TNNI3K: variants seen among roughly 807,000 people sequenced by gnomAD.
TNNI3K encodes serine/threonine-protein kinase TNNI3K.
TNNI3K carries 140 observed loss-of-function variants against 114.5 expected under a neutral mutation model. The observed-to-expected ratio is 1.22, with a 90% CI of 1.07 to 1.41. The LOEUF (loss-of-function observed/expected upper bound fraction) is 1.41. Among genes scored for constraint, TNNI3K ranks in the 40% most tolerant of loss-of-function variants. TNNI3K has a pLI of 0.00. For synonymous variants in TNNI3K, 347 were observed against 347.5 expected (o/e 1.00, Z 0.02); for missense variants, 1,125 against 1,007.6 (o/e 1.12, Z -1.58).
At chr1:74,464,496 C>T in intron 21 of TNNI3K, 3 of 1,390,972 alleles carry the variant, frequency 2.2e-6, no homozygotes, top group South Asian at 1.7e-5. Context: ...TCTGATCCTT[C>T]CTAGGCACTT....
At chr1:74,370,095 A>G (rs189576681) in intron 16 of TNNI3K, among the ~76,000 whole-genome samples, 193 bp from the exon 17 acceptor site, 1 of 152,044 alleles carries the variant, frequency 6.6e-6, no homozygotes, top group East Asian at 1.9e-4. Context: ...GAGATGCTGT[A>G]TATCTTAATT....
intron 4 of TNNI3K, among the ~76,000 whole-genome samples, chr1:74,253,153 CTGA>C (rs985007287): frequency 2.6e-5 from 4 of 152,144 alleles, no homozygotes; most frequent in African/African-American, 9.7e-5. Flanking sequence ...ACACAGGGTG[CTGA>C]TGGTGTGTTT....
At chr1:74,371,147 A>T (rs1336930530) in intron 17 of TNNI3K, 3 of 151,896 alleles carry the variant, frequency 2.0e-5, no homozygotes, top group Non-Finnish European at 2.9e-5. Context: ...CACATCAATC[A>T]CTTTCATTTT....
intron 9 of TNNI3K, among the ~76,000 whole-genome samples, chr1:74,345,125 G>A (rs977994695): frequency 1.3e-5 from 2 of 152,028 alleles, no homozygotes; most frequent in Non-Finnish European, 2.9e-5. Flanking sequence ...CTCATTATCT[G>A]TAAGTAGTTT....
chr1:74,269,246 T>G (rs1393599669), intron 4 of TNNI3K, among the ~76,000 whole-genome samples: 1 of 151,912 alleles, frequency 6.6e-6, no homozygotes, highest in Non-Finnish European at 1.5e-5. Flanking sequence ...TATAGCAATT[T>G]CTTATTTGTT....
intron 21 of TNNI3K, among the ~76,000 whole-genome samples, chr1:74,482,805 T>TA (rs948413559): frequency 6.6e-6 from 1 of 152,104 alleles, no homozygotes; most frequent in African/African-American, 2.4e-5. Context: ...TTACCACCAA[T>TA]AAAAAAAGAC....
chr1:74,365,581 T>C (rs867609939), intron 11 of TNNI3K, among the ~76,000 whole-genome samples: 2 of 152,114 alleles, frequency 1.3e-5, no homozygotes, highest in African/African-American at 4.8e-5. Context: ...ACCACTCTCA[T>C]CCTTGCTTGT....
At chr1:74,318,595 A>G (rs776320777) in intron 5 of TNNI3K, among the ~76,000 whole-genome samples, 2 of 152,138 alleles carry the variant, frequency 1.3e-5, no homozygotes, top group Non-Finnish European at 2.9e-5. Flanking sequence ...GAAAACTTCT[A>G]TTTCACGTTT....
At position 74,497,513 on chromosome 1, in the gene TNNI3K, GTCT is replaced by G. The variant is rs1330253627; in HGVS notation, c.2351+5252_2351+5254del. Among the ~76,000 whole-genome samples, 11 of 151,564 alleles carry G rather than the reference GTCT, an allele frequency of 7.3e-5. No homozygotes were observed. The South Asian group carries it at 1.7e-3, about 23-fold the overall frequency. ...CAAACATTGCTTCCTCTTTCCATGG[GTCT>G]TCTTGTTGTTTCTACAATCCCATGG... On this transcript the variant is annotated intron_variant, in intron 23 of 24. Coordinates refer to ENST00000326637, the MANE Select transcript of TNNI3K (RefSeq NM_015978.3).
chr1:74,486,934 G>A (rs1570687590), intron 21 of TNNI3K, among the ~76,000 whole-genome samples: 1 of 152,092 alleles, frequency 6.6e-6, no homozygotes, highest in South Asian at 2.1e-4. Context: ...ATTGAATTTA[G>A]CAATGAGATC....
At chr1:74,502,724 T>C (rs978744097) in intron 23 of TNNI3K, among the ~76,000 whole-genome samples, 2 of 152,194 alleles carry the variant, frequency 1.3e-5, no homozygotes, top group Non-Finnish European at 2.9e-5. Context: ...ACTCTGATAG[T>C]AGCCACTTTG....
chr1:74,507,677 T>C (rs78374516), intron 23 of TNNI3K, among the ~76,000 whole-genome samples: 1 of 152,290 alleles, frequency 6.6e-6, no homozygotes, highest in African/African-American at 2.4e-5. Flanking sequence ...ACCAACAACA[T>C]GGAGATGCAC....
chr1:74,460,367 G>A (rs771273357), intron 20 of TNNI3K, among the ~76,000 whole-genome samples: 7 of 152,138 alleles, frequency 4.6e-5, no homozygotes, highest in Non-Finnish European at 1.0e-4. Context: ...AGTGTAAAAA[G>A]TTCTATTGGA....
At chr1:74,364,100 A>G (rs1662131053) in intron 11 of TNNI3K, among the ~76,000 whole-genome samples, 3 of 150,428 alleles carry the variant, frequency 2.0e-5, no homozygotes, top group Admixed American at 6.6e-5. Context: ...CCTGGGTTCA[A>G]GTGATTCTCC....
At chr1:74,438,583 A>G (rs1666237863) in intron 19 of TNNI3K, among the ~76,000 whole-genome samples, 1 of 152,086 alleles carries the variant, frequency 6.6e-6, no homozygotes, top group African/African-American at 2.4e-5. Context: ...GAAACATGAC[A>G]TACTGAACAG....
At chr1:74,408,373 A>G (rs1056582268) in intron 17 of TNNI3K, among the ~76,000 whole-genome samples, 1 of 152,212 alleles carries the variant, frequency 6.6e-6, no homozygotes, top group African/African-American at 2.4e-5. Context: ...GCTTTCTTCT[A>G]TAAAAACTGA....
intron 3 of TNNI3K, among the ~76,000 whole-genome samples, chr1:74,250,351 A>G (rs1196462377): frequency 6.6e-6 from 1 of 152,194 alleles, no homozygotes; most frequent in Non-Finnish European, 1.5e-5. Context: ...AGATTTTTTA[A>G]TTTAAGCTTT....
intron 20 of TNNI3K, among the ~76,000 whole-genome samples, chr1:74,446,036 G>C (rs61776251): frequency 0.077 from 11,729 of 151,730 alleles, 487 homozygotes; most frequent in African/African-American, 0.11. Flanking sequence ...ATGATTTATA[G>C]TCATTTGGGT....
chr1:74,287,915 A>G (rs1355879752), intron 5 of TNNI3K, among the ~76,000 whole-genome samples: 3 of 152,122 alleles, frequency 2.0e-5, no homozygotes, highest in Non-Finnish European at 4.4e-5. Context: ...CCAATCTAAA[A>G]ATGTGCAAAA....
Sources: gnomAD v4.1 joint callset for allele counts (sites outside exome capture counted in the v4.1 genomes callset) on GRCh38, gnomAD v4.1.1 for gene constraint, MANE v1.5 for transcripts, NCBI Gene and HGNC (gene_info 2026-07-23, HGNC 2026-07-21) for gene names.